Variants in NEO1 observed in about 807,000 individuals in gnomAD.
The protein encoded by NEO1 is neogenin.
NEO1 carries 63 observed loss-of-function variants against 159.7 expected under a neutral mutation model. The observed-to-expected ratio is 0.39, with a 90% CI of 0.32 to 0.49. The LOEUF (loss-of-function observed/expected upper bound fraction) is 0.49. Among genes scored for constraint, NEO1 ranks in the 20% least tolerant of loss-of-function variants. The pLI is 0.85. For missense variants in NEO1, 1,615 were observed against 1,831.0 expected, an observed-to-expected ratio of 0.88 and a Z score of 2.15; for synonymous variants, 633 against 662.0, an observed-to-expected ratio of 0.96 and a Z score of 0.67.
At chr15:73,296,127 T>G (rs2042355377) in intron 26 of NEO1, among the ~76,000 whole-genome samples, 1 of 152,182 alleles carries the variant, frequency 6.6e-6, no homozygotes, top group African/African-American at 2.4e-5. Flanking sequence ...TTTCACCTTT[T>G]GCGCCATCTC....
At position 73,135,890 on chromosome 15, in the gene NEO1, G is replaced by A. The variant is rs1440459019; in HGVS notation, c.879-1G>A. ...TTTTTTTTTTTTTTTTTTTAACACA[G>A]CTCTGAAAGATTGGTATTGCTGGCA... On this transcript the variant is annotated splice_acceptor_variant, in intron 4 of 28. Transcript: ENST00000261908. LOFTEE classifies it high-confidence loss of function. 3 of 1,486,420 alleles carry A rather than the reference G, an allele frequency of 2.0e-6. No homozygotes were observed. The highest frequency in any genetic ancestry group is 2.4e-5 in the East Asian group (1 of 41,524). 92.1% of individuals were successfully genotyped at this position (1,486,420 alleles called of 1,614,324 possible).
chr15:73,154,567 C>T (rs1411732288), intron 5 of NEO1, among the ~76,000 whole-genome samples: 1 of 152,164 alleles, frequency 6.6e-6, no homozygotes, highest in African/African-American at 2.4e-5. Flanking sequence ...TTTTTAGCTC[C>T]CACAAATAAG....
intron 7 of NEO1, among the ~76,000 whole-genome samples, chr15:73,220,904 C>T (rs1193980007): frequency 1.3e-5 from 2 of 152,206 alleles, no homozygotes; most frequent in African/African-American, 2.4e-5. Context: ...GTTTGATCGT[C>T]TGAAGCCTTC....
intron 5 of NEO1, among the ~76,000 whole-genome samples, chr15:73,166,570 A>G (rs555495190): frequency 1.3e-5 from 2 of 152,226 alleles, no homozygotes; most frequent in Admixed American, 6.5e-5. Flanking sequence ...AGGCAAAATC[A>G]TAAGGCAATA....
At chr15:73,211,816 C>G (rs1049418291) in intron 7 of NEO1, among the ~76,000 whole-genome samples, 1 of 152,184 alleles carries the variant, frequency 6.6e-6, no homozygotes, top group East Asian at 1.9e-4. Flanking sequence ...TAGGGTTCCC[C>G]TTGAGTCTTT....
intron 7 of NEO1, among the ~76,000 whole-genome samples, chr15:73,235,701 A>G (rs1477917461): frequency 6.6e-6 from 1 of 152,222 alleles, no homozygotes; most frequent in Non-Finnish European, 1.5e-5. Flanking sequence ...ACAATGAAGA[A>G]GTTTATCAAC....
At chr15:73,138,243 T>C (rs967961591) in intron 5 of NEO1, among the ~76,000 whole-genome samples, 1 of 152,184 alleles carries the variant, frequency 6.6e-6, no homozygotes, top group Admixed American at 6.5e-5. Context: ...AAGTGTTGAT[T>C]TGAGAAATCT....
chr15:73,134,549 A>G (rs921945433), intron 4 of NEO1, among the ~76,000 whole-genome samples: 2 of 151,740 alleles, frequency 1.3e-5, no homozygotes, highest in Non-Finnish European at 2.9e-5. Flanking sequence ...TAATCCTATA[A>G]GGAATTCTTT....
intron 7 of NEO1, among the ~76,000 whole-genome samples, chr15:73,230,881 C>G (rs2038870555): frequency 6.6e-6 from 1 of 151,946 alleles, no homozygotes; most frequent in South Asian, 2.1e-4. Context: ...GCATAAGCCA[C>G]CATGCCTGGC....
At chr15:73,059,084 G>A (rs538848287) in intron 1 of NEO1, among the ~76,000 whole-genome samples, 3 of 152,232 alleles carry the variant, frequency 2.0e-5, no homozygotes, top group East Asian at 1.9e-4. Context: ...TGGCTTCAGT[G>A]TTAAGTAATT....
chr15:73,179,331 AGACCCT>A (rs1413519991), intron 7 of NEO1, among the ~76,000 whole-genome samples: 1 of 152,210 alleles, frequency 6.6e-6, no homozygotes, highest in East Asian at 1.9e-4. Context: ...GATGAGATCC[AGACCCT>A]GTTGGAGAGG....
At chr15:73,053,630 T>C (rs2067567546) in intron 1 of NEO1, among the ~76,000 whole-genome samples, 1 of 152,208 alleles carries the variant, frequency 6.6e-6, no homozygotes, top group Non-Finnish European at 1.5e-5. Flanking sequence ...TATTATAGAT[T>C]ACTGAAACCA....
intron 1 of NEO1, among the ~76,000 whole-genome samples, chr15:73,098,793 A>AG (rs1230106680): frequency 6.6e-6 from 1 of 152,168 alleles, no homozygotes; most frequent in African/African-American, 2.4e-5. Context: ...GCTAGGTAAA[A>AG]GGGTAAATGC....
chr15:73,151,497 G>A (rs1354826427), intron 5 of NEO1, among the ~76,000 whole-genome samples: 1 of 152,128 alleles, frequency 6.6e-6, no homozygotes, highest in Non-Finnish European at 1.5e-5. Flanking sequence ...CCCAAGACTC[G>A]GTAATTTATG....
chr15:73,099,849 T>C (rs1375114071), intron 1 of NEO1, among the ~76,000 whole-genome samples: 3 of 152,230 alleles, frequency 2.0e-5, no homozygotes, highest in Non-Finnish European at 2.9e-5. Flanking sequence ...TAAGGAGTAA[T>C]GGCAAAATCG....
intron 5 of NEO1, among the ~76,000 whole-genome samples, chr15:73,136,840 T>A (rs528056901): frequency 6.6e-6 from 1 of 152,238 alleles, no homozygotes; most frequent in African/African-American, 2.4e-5. Flanking sequence ...CTTTTCTACC[T>A]CTTCTTCCCA....
chr15:73,238,682 T>C (rs1054804325), intron 8 of NEO1, among the ~76,000 whole-genome samples: 1 of 151,610 alleles, frequency 6.6e-6, no homozygotes, highest in South Asian at 2.1e-4. Context: ...CAGGAAAGAG[T>C]AACAAAGTTA....
chr15:73,238,283 T>G (rs987708738), intron 8 of NEO1, among the ~76,000 whole-genome samples: 25 of 141,158 alleles, frequency 1.8e-4, no homozygotes, highest in Admixed American at 1.1e-3. Flanking sequence ...TTTTTTTTTT[T>G]TTTTTTTTTT....
At chr15:73,150,202 A>G (rs1240348211) in intron 5 of NEO1, among the ~76,000 whole-genome samples, 2 of 152,302 alleles carry the variant, frequency 1.3e-5, no homozygotes, top group African/African-American at 2.4e-5. Flanking sequence ...TTCAAAACCA[A>G]ATCATTTTGT....
Sources: allele counts gnomAD v4.1 joint callset (sites outside exome capture counted in the v4.1 genomes callset), GRCh38; gene constraint gnomAD v4.1.1; transcripts MANE v1.5; gene names NCBI Gene and HGNC (gene_info 2026-07-23, HGNC 2026-07-21).